ANXA10: variants seen among roughly 807,000 people sequenced by gnomAD.
The protein encoded by ANXA10 is annexin 14.
Under a neutral mutation model 53.5 loss-of-function variants are expected in ANXA10, and 49 were observed. The ratio of observed to expected loss-of-function variants is 0.92; its 90% CI spans 0.73 to 1.16. The LOEUF is 1.16. Ranked by LOEUF, ANXA10 falls within the 50% of genes most tolerant of loss-of-function variation. The probability of loss-of-function intolerance (pLI) is 0.00; values close to 1 mark genes in which losing one functional copy is unlikely to be tolerated. For missense variants in ANXA10, 393 were observed against 394.4 expected (o/e 1.00, Z 0.03); for synonymous variants, 131 against 128.9 (o/e 1.02, Z -0.11).
chr4:168,141,884 A>C (rs1731331996), intron 3 of ANXA10, among the ~76,000 whole-genome samples: 1 of 151,120 alleles, frequency 6.6e-6, no homozygotes, highest in African/African-American at 2.4e-5. Flanking sequence ...CCTAGTTTCC[A>C]CCCCAGGTTT....
intron 2 of ANXA10, among the ~76,000 whole-genome samples, chr4:168,132,331 A>G (rs1176945220): frequency 6.6e-6 from 1 of 152,138 alleles, no homozygotes; most frequent in Non-Finnish European, 1.5e-5. Flanking sequence ...AACAACATGG[A>G]TGAAAGTGGA....
intron 10 of ANXA10, among the ~76,000 whole-genome samples, chr4:168,183,152 C>T (rs1011514781): frequency 2.6e-5 from 4 of 152,052 alleles, no homozygotes; most frequent in Non-Finnish European, 5.9e-5. Flanking sequence ...TCAGTTTTAT[C>T]CTCAAGGTAA....
chr4:168,164,291 A>G lies in ANXA10; in HGVS notation c.400+3A>G. 1 of 1,590,784 alleles carries G rather than the reference A, an allele frequency of 6.3e-7. No homozygotes were observed. The highest frequency in any genetic ancestry group is 8.6e-7 in the Non-Finnish European group (1 of 1,159,376). ...GATGCGAGAAGCCTACTGCTTGCGT[A>G]AGGAAATATACATATGTGAATATAT... On this transcript the variant is annotated splice_donor_region_variant and intron_variant, in intron 5 of 11. Transcript: ENST00000359299.
intron 1 of ANXA10, among the ~76,000 whole-genome samples, chr4:168,126,538 C>T (rs1245627118): frequency 6.6e-6 from 1 of 152,142 alleles, no homozygotes; most frequent in Non-Finnish European, 1.5e-5. Flanking sequence ...GCTGTGGAAA[C>T]ACTGCAGTCC....
chr4:168,099,647 T>C lies in ANXA10; in HGVS notation c.18+6929T>C, dbSNP rs1038177230. 3.3e-5 allele frequency among the ~76,000 whole-genome samples: 5 copies of C among 152,194 alleles called. 1 individual carries two copies. The South Asian group carries it at 8.3e-4, about 25-fold the overall frequency. ...GATCTCACTCCCTTCTGGTTCTTAT[T>C]TTGTTTCATTCTAGATATTGTGAAT... On this transcript the variant is annotated intron_variant, in intron 1 of 11. Coordinates refer to ENST00000359299, the MANE Select transcript of ANXA10 (RefSeq NM_007193.5).
intron 2 of ANXA10, among the ~76,000 whole-genome samples, chr4:168,137,114 G>C (rs1288504417): frequency 6.6e-6 from 1 of 152,116 alleles, no homozygotes; most frequent in Non-Finnish European, 1.5e-5. Flanking sequence ...AGTTGTGCAG[G>C]GTAGCCAGGC....
Position 168,165,265 on chromosome 4 carries a change from A to G in ANXA10, c.419A>G (p.Gln140Arg). The G allele has an allele frequency of 6.3e-7, 1 of 1,590,424 alleles. No homozygotes were observed. Among genetic ancestry groups the G allele is most frequent in the Non-Finnish European group, 8.6e-7 (1 of 1,163,350 alleles). The change falls in exon 6 of 12, where the codon CAA becomes CGA. Residue 140 changes from glutamine to arginine, a missense_variant. By Grantham distance (43) the Gln-to-Arg change is conservative. Coordinates refer to ENST00000359299, the MANE Select transcript of ANXA10 (RefSeq NM_007193.5). ...AYCLQYSNNL[Q>R]EDIYSETSGH... The stretch of plus-strand genomic sequence containing the variant: ...TATACAGAATACAGCAATAACCTCC[A>G]AGAGGACATTTATTCAGAGACCTCA...
intron 2 of ANXA10, among the ~76,000 whole-genome samples, chr4:168,132,678 C>A (rs1578907105): frequency 6.6e-6 from 1 of 152,014 alleles, no homozygotes; most frequent in Non-Finnish European, 1.5e-5. Flanking sequence ...ATGGATAACC[C>A]ATTCTTCATG....
Position 168,123,283 on chromosome 4 carries a change from C to CAAA in ANXA10, c.19-4795_19-4793dup, listed in dbSNP as rs3065109. ...CTGAGTAGCAGTTAAAATGGAAAAA[C>CAAA]AAAAAAAACCCAGACTTTATTTAAA... On this transcript the variant is annotated intron_variant, in intron 1 of 11. Transcript: ENST00000359299. Among the ~76,000 whole-genome samples, 369 of 151,450 alleles carry CAAA rather than the reference C, an allele frequency of 2.4e-3. 1 individual carries two copies. Among genetic ancestry groups the CAAA allele is most frequent in the South Asian group, 9.8e-3 (47 of 4,800 alleles).
intron 5 of ANXA10, 102 bp from the exon 6 acceptor site, chr4:168,165,145 T>A: frequency 3.2e-6 from 2 of 631,690 alleles, no homozygotes; most frequent in Non-Finnish European, 5.1e-6. Context: ...CTACATTTCC[T>A]GGACTTTGTA....
chr4:168,165,358 A>T, intron 6 of ANXA10, 32 bp downstream of exon 6: 1 of 1,297,520 alleles, frequency 7.7e-7, no homozygotes, highest in South Asian at 1.5e-5. Context: ...ATTACTTTGC[A>T]CTATCTAAGC....
chr4:168,164,373 G>T, intron 5 of ANXA10, 85 bp downstream of exon 5: 1 of 1,028,894 alleles, frequency 9.7e-7, no homozygotes. Context: ...GTATTTTGAA[G>T]AATTATCTAA....
chr4:168,179,283 G>T lies in ANXA10; in HGVS notation c.695G>T (p.Gly232Val), dbSNP rs766070039. Residue 232 changes from glycine (G) to valine (V), a missense_variant, in exon 9 of 12, where the codon GGA (glycine) becomes GTA (valine). By Grantham distance (109) the Gly-to-Val change is moderately radical (BLOSUM62 -3). Transcript: ENST00000359299. ...GATGCCATTAATGAATGTTATGATGGATACTTTCAGGAGCTGCTGGTTGCA... is the reference window on the plus strand; with the variant it reads ...GATGCCATTAATGAATGTTATGATGTATACTTTCAGGAGCTGCTGGTTGCA... ...MVDAINECYDGYFQELLVAIV... is the reference protein window; with the variant it reads ...MVDAINECYDVYFQELLVAIV... 4 of 1,611,422 alleles carry T rather than the reference G, an allele frequency of 2.5e-6. No homozygotes were observed. Among genetic ancestry groups the T allele is most frequent in the Non-Finnish European group, 3.4e-6 (4 of 1,178,748 alleles).
In ANXA10 at chr4:168,164,257, A is replaced by T; in HGVS notation, c.369A>T (p.Glu123Asp). Residue 123 changes from glutamate (E) to aspartate (D), a missense_variant, in exon 5 of 12, where the codon GAA becomes GAT. By Grantham distance (45) the Glu-to-Asp change is conservative (BLOSUM62 2). Transcript: ENST00000359299. ...TACTAGCTTCAAGAACAAATGGAGA[A>T]ATTTTCCAGATGCGAGAAGCCTACT... ...IEILASRTNG[E>D]IFQMREAYCL... The T allele has an allele frequency of 6.2e-7, 1 of 1,613,186 alleles. No individual in the cohort carries two copies. The highest frequency in any genetic ancestry group is 8.5e-7 in the Non-Finnish European group (1 of 1,179,326).
At chr4:168,111,127 T>C (rs1730800458) in intron 1 of ANXA10, among the ~76,000 whole-genome samples, 1 of 152,208 alleles carries the variant, frequency 6.6e-6, no homozygotes, top group African/African-American at 2.4e-5. Flanking sequence ...AATTTTAGAA[T>C]CACCATTCAT....
chr4:168,186,049 T>G (rs1732362804), intron 11 of ANXA10, among the ~76,000 whole-genome samples: 1 of 152,214 alleles, frequency 6.6e-6, no homozygotes, highest in Admixed American at 6.5e-5. Context: ...CATAATTCAT[T>G]TTCTAAATGA....
chr4:168,181,573 CA>C (rs1211881918), intron 9 of ANXA10, 109 bp from the exon 10 acceptor site: 14 of 886,330 alleles, frequency 1.6e-5, no homozygotes, highest in Middle Eastern at 2.2e-4. Flanking sequence ...GTTGACCTTA[CA>C]ATACAATGTA....
At chr4:168,123,710 C>T (rs1731025503) in intron 1 of ANXA10, among the ~76,000 whole-genome samples, 1 of 152,126 alleles carries the variant, frequency 6.6e-6, no homozygotes, top group South Asian at 2.1e-4. Flanking sequence ...CTAACTAAAA[C>T]TTAAACTGAA....
intron 1 of ANXA10, among the ~76,000 whole-genome samples, chr4:168,111,786 G>A (rs1009826977): frequency 2.8e-4 from 42 of 151,804 alleles, no homozygotes; most frequent in African/African-American, 9.9e-4. Context: ...TTTTATTTGG[G>A]GCACAGATAT....
Sources: allele counts gnomAD v4.1 joint callset (sites outside exome capture counted in the v4.1 genomes callset), GRCh38; gene constraint gnomAD v4.1.1; transcripts MANE v1.5; gene names NCBI Gene and HGNC (gene_info 2026-07-23, HGNC 2026-07-21).